Variants in SHROOM3 observed in about 807,000 individuals in gnomAD.
The protein encoded by SHROOM3 is shroom family member 3.
SHROOM3 carries 47 observed loss-of-function variants against 138.6 expected under a neutral mutation model. The observed-to-expected ratio is 0.34, with a 90% CI of 0.27 to 0.43. The LOEUF (loss-of-function observed/expected upper bound fraction) is 0.43. Ranked by LOEUF, SHROOM3 falls within the 20% of genes least tolerant of loss-of-function variation. The pLI, the probability that SHROOM3 is intolerant of heterozygous loss-of-function variation, is 1.00. For synonymous variants in SHROOM3, 1,062 were observed against 1,063.3 expected (o/e 1.00, Z 0.02); for missense variants, 2,491 against 2,596.5 (o/e 0.96, Z 0.88).
chr4:76,634,440 A>G (rs1200451680), intron 2 of SHROOM3, among the ~76,000 whole-genome samples: 1 of 152,200 alleles, frequency 6.6e-6, no homozygotes, highest in East Asian at 1.9e-4. Context: ...ATGGTGATGC[A>G]GCTTTAATTG....
chr4:76,506,155 A>G (rs988798881), intron 1 of SHROOM3, among the ~76,000 whole-genome samples: 31 of 152,100 alleles, frequency 2.0e-4, no homozygotes, highest in African/African-American at 6.5e-4. Flanking sequence ...GTTCTCACTC[A>G]TAAGTGGGAG....
intron 1 of SHROOM3, among the ~76,000 whole-genome samples, chr4:76,465,050 A>G (rs1335353223): frequency 1.3e-5 from 2 of 152,222 alleles, no homozygotes; most frequent in African/African-American, 4.8e-5. Flanking sequence ...TTCATTCACA[A>G]CCATTATATA....
chr4:76,689,671 C>T (rs528508533), intron 2 of SHROOM3: 27 of 985,326 alleles, frequency 2.7e-5, no homozygotes, highest in South Asian at 1.4e-4. Context: ...CCGAGCAGCC[C>T]GGGGGCGGCG....
intron 1 of SHROOM3, among the ~76,000 whole-genome samples, chr4:76,514,591 T>G (rs1732406087): frequency 6.6e-6 from 1 of 152,220 alleles, no homozygotes; most frequent in Admixed American, 6.5e-5. Flanking sequence ...TCCACAACTC[T>G]GTAAATACAC....
intron 2 of SHROOM3, chr4:76,688,894 T>C (rs1719412646): frequency 1.0e-6 from 1 of 984,698 alleles, no homozygotes; most frequent in Non-Finnish European, 1.2e-6. Context: ...CCTGCATCTC[T>C]GCTGTGACTT....
At chr4:76,605,660 C>A (rs985308403) in intron 2 of SHROOM3, among the ~76,000 whole-genome samples, 8 of 151,812 alleles carry the variant, frequency 5.3e-5, no homozygotes, top group Non-Finnish European at 7.4e-5. Context: ...AGGGAAAAAA[C>A]CTAATTAAGT....
At chr4:76,702,143 G>A (rs1048838468) in intron 2 of SHROOM3, among the ~76,000 whole-genome samples, 2 of 152,102 alleles carry the variant, frequency 1.3e-5, no homozygotes, top group African/African-American at 4.8e-5. Context: ...AGGCATACAT[G>A]GTTTGATATG....
chr4:76,534,031 A>T (rs1238208343), intron 1 of SHROOM3, among the ~76,000 whole-genome samples: 3 of 152,134 alleles, frequency 2.0e-5, no homozygotes, highest in African/African-American at 7.2e-5. Context: ...AAGGTTCAAG[A>T]GTCTATGGCA....
At position 76,447,580 on chromosome 4, in the gene SHROOM3, G is replaced by A. The variant is rs567830349; in HGVS notation, c.168+11360G>A. Among the ~76,000 whole-genome samples, 8 of 152,264 alleles carry A rather than the reference G, an allele frequency of 5.3e-5. No homozygotes were observed. In the South Asian group the frequency reaches 1.7e-3, roughly 32 times the overall value. ...AGAATAGGAGAGTGTGCAAACTTTTGAGAATGAGAAGGCAGAAAATAGACT... is the reference window on the plus strand; with the variant it reads ...AGAATAGGAGAGTGTGCAAACTTTTAAGAATGAGAAGGCAGAAAATAGACT... On this transcript the variant is annotated intron_variant, in intron 1 of 10. Transcript: ENST00000296043.
chr4:76,703,173 CT>C (rs1481455754), intron 2 of SHROOM3, among the ~76,000 whole-genome samples: 1 of 152,062 alleles, frequency 6.6e-6, no homozygotes, highest in Non-Finnish European at 1.5e-5. Flanking sequence ...ATAAAACAAG[CT>C]GTAGACCAGG....
intron 1 of SHROOM3, among the ~76,000 whole-genome samples, chr4:76,498,105 A>G (rs1732007256): frequency 6.6e-6 from 1 of 152,210 alleles, no homozygotes; most frequent in African/African-American, 2.4e-5. Flanking sequence ...CTAGTCATAC[A>G]AAGTTGTATT....
At position 76,609,565 on chromosome 4, in the gene SHROOM3, C is replaced by T. The variant is rs532812015; in HGVS notation, c.323+53802C>T. On this transcript the variant is annotated intron_variant, in intron 2 of 10. Transcript: ENST00000296043. ...GGATTACAGGCGTGAGCCATTGCAA[C>T]TGGCCCTCAGAATCTGTATCTGACC... Among the ~76,000 whole-genome samples, 9 of 152,332 alleles carry T rather than the reference C, an allele frequency of 5.9e-5. No homozygotes were observed. In the South Asian group the frequency reaches 1.9e-3, roughly 32 times the overall value.
intron 2 of SHROOM3, among the ~76,000 whole-genome samples, chr4:76,580,395 C>G (rs1045849892): frequency 1.3e-5 from 2 of 151,644 alleles, no homozygotes; most frequent in African/African-American, 4.8e-5. Context: ...AATCAGGTTA[C>G]CTGGCTTCAA....
At chr4:76,711,028 A>G (rs1720216131) in intron 3 of SHROOM3, among the ~76,000 whole-genome samples, 1 of 152,196 alleles carries the variant, frequency 6.6e-6, no homozygotes, top group Non-Finnish European at 1.5e-5. Context: ...CACACAGCCC[A>G]CTCAGAACAA....
chr4:76,775,732 A>G (rs968903124), intron 10 of SHROOM3, among the ~76,000 whole-genome samples: 2 of 151,462 alleles, frequency 1.3e-5, no homozygotes, highest in African/African-American at 4.9e-5. Flanking sequence ...ATACACATAT[A>G]TACACATACT....
chr4:76,754,917 C>T lies in SHROOM3; in HGVS notation c.4434C>T (p.Ala1478=). ...STSDPDTPLG[A]PSTPGRISLR... Reference sequence around the variant, plus strand: ...CTGACCCAGACACACCTCTTGGGGCCCCGAGCACTCCAGGGAGGATCTCCC... The same window carrying T: ...CTGACCCAGACACACCTCTTGGGGCTCCGAGCACTCCAGGGAGGATCTCCC... The change falls in exon 7 of 11, where the codon GCC becomes GCT. Residue 1478 remains alanine, a synonymous_variant. Transcript: ENST00000296043. The T allele has an allele frequency of 6.2e-7, 1 of 1,614,186 alleles. No individual in the cohort carries two copies. Among genetic ancestry groups the T allele is most frequent in the Non-Finnish European group, 8.5e-7 (1 of 1,180,016 alleles).
At chr4:76,566,309 A>T (rs10016228) in intron 2 of SHROOM3, among the ~76,000 whole-genome samples, 3,165 of 152,202 alleles carry the variant, frequency 0.021, 52 homozygotes, top group Non-Finnish European at 0.033. Flanking sequence ...ATATGCAAAT[A>T]TGACATCATT....
chr4:76,637,837 C>A (rs889142973), intron 2 of SHROOM3, among the ~76,000 whole-genome samples: 7 of 152,150 alleles, frequency 4.6e-5, no homozygotes, highest in Non-Finnish European at 8.8e-5. Context: ...TGAGTCAGGG[C>A]GAGTGCCTTG....
At chr4:76,630,596 G>A (rs1303581355) in intron 2 of SHROOM3, among the ~76,000 whole-genome samples, 1 of 152,172 alleles carries the variant, frequency 6.6e-6, no homozygotes, top group Non-Finnish European at 1.5e-5. Context: ...ATTATAGGAA[G>A]CTGGGACATG....
Sources: gnomAD v4.1 joint callset for allele counts (sites outside exome capture counted in the v4.1 genomes callset) on GRCh38, gnomAD v4.1.1 for gene constraint, MANE v1.5 for transcripts, NCBI Gene and HGNC (gene_info 2026-07-23, HGNC 2026-07-21) for gene names.